Variants in RIMS2 observed in about 807,000 individuals in gnomAD.
RIMS2 encodes the protein regulating synaptic membrane exocytosis protein 2.
Under a neutral mutation model 174.4 loss-of-function variants are expected in RIMS2, and 59 were observed. That is an observed-to-expected ratio of 0.34 (90% CI 0.27 to 0.42). RIMS2 has a LOEUF of 0.42. Ranked by LOEUF, RIMS2 falls within the 10% of genes least tolerant of loss-of-function variation. The pLI is 1.00. For synonymous variants in RIMS2, 606 were observed against 572.5 expected (o/e 1.06, Z -0.84); for missense variants, 1,620 against 1,666.3 (o/e 0.97, Z 0.48).
intron 17 of RIMS2, among the ~76,000 whole-genome samples, chr8:104,006,794 G>A (rs2095600096): frequency 1.4e-5 from 2 of 147,206 alleles, no homozygotes; most frequent in Non-Finnish European, 3.1e-5. Flanking sequence ...GTGCTTTACT[G>A]ATAATATATA....
chr8:104,199,289 C>T (rs943931262), intron 19 of RIMS2, among the ~76,000 whole-genome samples: 1 of 151,728 alleles, frequency 6.6e-6, no homozygotes, highest in African/African-American at 2.4e-5. Context: ...GTCTAGATCT[C>T]CTGACCTTGT....
At chr8:103,654,758 C>T (rs900796271) in intron 1 of RIMS2, among the ~76,000 whole-genome samples, 1 of 151,914 alleles carries the variant, frequency 6.6e-6, no homozygotes, top group African/African-American at 2.4e-5. Flanking sequence ...TTCCTATCTG[C>T]TTACTTTCTA....
intron 13 of RIMS2, 44 bp downstream of exon 15, chr8:103,936,766 G>GAAT: frequency 7.2e-7 from 1 of 1,395,972 alleles, no homozygotes; most frequent in Non-Finnish European, 9.8e-7. Context: ...ATGTTATCCT[G>GAAT]AATACTTTTA....
At chr8:103,552,962 A>T (rs2131653496) in intron 1 of RIMS2, among the ~76,000 whole-genome samples, 1 of 152,264 alleles carries the variant, frequency 6.6e-6, no homozygotes, top group Non-Finnish European at 1.5e-5. Context: ...GCTGGAGAGG[A>T]TGTGGAGAAA....
At chr8:104,231,272 C>CTTCAA (rs2099226825) in intron 19 of RIMS2, among the ~76,000 whole-genome samples, 1 of 152,128 alleles carries the variant, frequency 6.6e-6, no homozygotes, top group African/African-American at 2.4e-5. Context: ...ACTACCCTTC[C>CTTCAA]TTCAAAAACT....
intron 3 of RIMS2, among the ~76,000 whole-genome samples, chr8:103,778,329 C>T (rs1377133595): frequency 2.0e-5 from 3 of 151,980 alleles, no homozygotes; most frequent in African/African-American, 4.8e-5. Flanking sequence ...CTAGTATCAT[C>T]CTACTGATCT....
chr8:103,874,799 G>A (rs1490145187), intron 3 of RIMS2, among the ~76,000 whole-genome samples: 2 of 151,940 alleles, frequency 1.3e-5, no homozygotes, highest in African/African-American at 2.4e-5. Flanking sequence ...TTAATGTGGT[G>A]TTTAAAAAAG....
At chr8:104,223,151 T>C (rs2099163350) in intron 19 of RIMS2, among the ~76,000 whole-genome samples, 1 of 152,114 alleles carries the variant, frequency 6.6e-6, no homozygotes, top group Non-Finnish European at 1.5e-5. Flanking sequence ...TCCCTGGCCT[T>C]AACCACGCGG....
At chr8:103,656,978 G>A (rs1341573625) in intron 1 of RIMS2, among the ~76,000 whole-genome samples, 1 of 152,148 alleles carries the variant, frequency 6.6e-6, no homozygotes, top group African/African-American at 2.4e-5. Flanking sequence ...TGGGGGAGGG[G>A]AAAGTAACCA....
intron 19 of RIMS2, among the ~76,000 whole-genome samples, chr8:104,069,644 T>G (rs1429055991): frequency 6.6e-6 from 1 of 151,702 alleles, no homozygotes; most frequent in Non-Finnish European, 1.5e-5. Context: ...AATTTTTGTA[T>G]TTTTAGGAGA....
intron 1 of RIMS2, among the ~76,000 whole-genome samples, chr8:103,616,056 A>G (rs1396766929): frequency 6.6e-6 from 1 of 152,190 alleles, no homozygotes; most frequent in Non-Finnish European, 1.5e-5. Flanking sequence ...AACCTGGAAG[A>G]GACATGATAA....
At chr8:103,547,272 T>C (rs1379968795) in intron 1 of RIMS2, among the ~76,000 whole-genome samples, 2 of 152,122 alleles carry the variant, frequency 1.3e-5, no homozygotes, top group Non-Finnish European at 2.9e-5. Flanking sequence ...AGAGATTCCT[T>C]CTCTAGAGCT....
At position 103,859,967 on chromosome 8, in the gene RIMS2, C is replaced by T. The variant is rs566472141; in HGVS notation, c.699-25331C>T. 6.6e-5 allele frequency among the ~76,000 whole-genome samples: 10 copies of T among 152,102 alleles called. No homozygotes were observed. In the South Asian group the frequency reaches 1.9e-3, roughly 28 times the overall value. ...CCCTCCCTAATAGATGGAAATAAGACGTGCATTCCTCTGTGTGCCAGAAGG... is the reference window on the plus strand; with the variant it reads ...CCCTCCCTAATAGATGGAAATAAGATGTGCATTCCTCTGTGTGCCAGAAGG... On this transcript the variant is annotated intron_variant, in intron 3 of 23. Transcript: ENST00000504942.
intron 19 of RIMS2, among the ~76,000 whole-genome samples, chr8:104,189,406 C>T (rs1287433799): frequency 1.3e-5 from 2 of 151,830 alleles, no homozygotes; most frequent in African/African-American, 2.4e-5. Flanking sequence ...TGGGACAGAA[C>T]TGCACTCACT....
At chr8:104,027,536 T>A (rs2096281429) in intron 19 of RIMS2, among the ~76,000 whole-genome samples, 1 of 152,172 alleles carries the variant, frequency 6.6e-6, no homozygotes, top group African/African-American at 2.4e-5. Context: ...TCATCTTCTC[T>A]TTGTTGTTGA....
intron 15 of RIMS2, among the ~76,000 whole-genome samples, chr8:103,966,775 A>C (rs1239945398): frequency 6.6e-6 from 1 of 152,070 alleles, no homozygotes; most frequent in Non-Finnish European, 1.5e-5. Context: ...TTTTCTTCTA[A>C]GTACTGCTTT....
chr8:103,915,669 G>T, intron 7 of RIMS2, 75 bp downstream of exon 10: 1 of 648,092 alleles, frequency 1.5e-6, no homozygotes, highest in Non-Finnish European at 2.5e-6. Flanking sequence ...CATTTATTTA[G>T]AAGTGATTTG....
intron 3 of RIMS2, among the ~76,000 whole-genome samples, chr8:103,790,825 T>C (rs1255104777): frequency 6.6e-6 from 1 of 152,240 alleles, no homozygotes; most frequent in Non-Finnish European, 1.5e-5. Context: ...GTTATGATTT[T>C]ATGTTTACAT....
intron 1 of RIMS2, among the ~76,000 whole-genome samples, chr8:103,617,313 G>C (rs374854489): frequency 8.9e-4 from 136 of 152,334 alleles, no homozygotes; most frequent in African/African-American, 3.1e-3. Flanking sequence ...GCCATATGCA[G>C]AAGATTGAAG....
Sources: gnomAD v4.1 joint callset for allele counts (sites outside exome capture counted in the v4.1 genomes callset) on GRCh38, gnomAD v4.1.1 for gene constraint, MANE v1.5 for transcripts, NCBI Gene and HGNC (gene_info 2026-07-23, HGNC 2026-07-21) for gene names.